Variants in PLD1 observed in about 807,000 individuals in gnomAD.
PLD1 encodes phospholipase D1, also known as choline phosphatase 1.
PLD1 carries 112 observed loss-of-function variants against 137.1 expected under a neutral mutation model. The ratio of observed to expected loss-of-function variants is 0.82; its 90% CI spans 0.70 to 0.96. PLD1 has a LOEUF of 0.96. Ranked by LOEUF, PLD1 falls within the 40% of genes least tolerant of loss-of-function variation. The probability of loss-of-function intolerance (pLI) is 0.00; values close to 1 mark genes in which losing one functional copy is unlikely to be tolerated. For synonymous variants in PLD1, 431 were observed against 454.7 expected (o/e 0.95, Z 0.66); for missense variants, 1,321 against 1,342.0 (o/e 0.98, Z 0.24).
rs1429558486 is a variant in PLD1 at position 171,693,805 on chromosome 3, A to G, written c.1228-1363T>C. 5.3e-5 allele frequency among the ~76,000 whole-genome samples: 8 copies of G among 152,298 alleles called. No homozygotes were observed. In the East Asian group the frequency reaches 1.4e-3, roughly 26 times the overall value. ...CCATAATAAAAAATAATTTTGTTAC[A>G]GTTTATATTAAGATTCCATGGTGAT... On this transcript the variant is annotated intron_variant, in intron 12 of 26. Coordinates refer to ENST00000351298, the MANE Select transcript of PLD1 (RefSeq NM_002662.5).
At chr3:171,725,787 A>G (rs2108241911) in intron 7 of PLD1, among the ~76,000 whole-genome samples, 1 of 152,348 alleles carries the variant, frequency 6.6e-6, no homozygotes, top group South Asian at 2.1e-4. Flanking sequence ...TGGGTTAGAA[A>G]GAATCTGTGC....
intron 21 of PLD1, among the ~76,000 whole-genome samples, chr3:171,652,867 G>A (rs566946980): frequency 1.5e-3 from 212 of 143,172 alleles, no homozygotes; most frequent in African/African-American, 5.3e-3. Context: ...TTCCTGCCTC[G>A]GCCTCCCAAA....
chr3:171,632,617 A>T (rs1734766668), intron 23 of PLD1, among the ~76,000 whole-genome samples: 1 of 152,104 alleles, frequency 6.6e-6, no homozygotes, highest in African/African-American at 2.4e-5. Flanking sequence ...ACATCTATAT[A>T]TGAATGTATC....
chr3:171,783,167 T>C (rs377137811), intron 1 of PLD1, among the ~76,000 whole-genome samples: 1 of 150,826 alleles, frequency 6.6e-6, no homozygotes, highest in African/African-American at 2.4e-5. Context: ...CCTGGGAGAG[T>C]GAGTTTACTA....
At chr3:171,674,690 A>C in intron 18 of PLD1, 77 bp from the exon 19 acceptor site, 1 of 843,570 alleles carries the variant, frequency 1.2e-6, no homozygotes, top group Non-Finnish European at 1.9e-6. Flanking sequence ...TATAAAAGAA[A>C]TTCATGCCCA....
At chr3:171,809,533 A>T (rs1386253729) in intron 1 of PLD1, 1 of 152,226 alleles carries the variant, frequency 6.6e-6, no homozygotes, top group Non-Finnish European at 1.5e-5. Context: ...CCCATTTTGG[A>T]GGCAGACTTA....
intron 21 of PLD1, among the ~76,000 whole-genome samples, chr3:171,651,840 CCTT>C (rs1234883278): frequency 1.3e-5 from 2 of 152,144 alleles, no homozygotes; most frequent in East Asian, 1.9e-4. Context: ...TTTTAAGTCT[CCTT>C]CTTCCTTCCT....
intron 11 of PLD1, among the ~76,000 whole-genome samples, chr3:171,707,004 A>G (rs1210426206): frequency 6.6e-6 from 1 of 152,250 alleles, no homozygotes; most frequent in Non-Finnish European, 1.5e-5. Flanking sequence ...GAATGAGATC[A>G]TGTCCTTTGC....
chr3:171,746,272 G>A (rs377440059), intron 1 of PLD1, among the ~76,000 whole-genome samples: 15 of 152,338 alleles, frequency 9.8e-5, no homozygotes, highest in Non-Finnish European at 1.5e-4. Flanking sequence ...GGCTCGCAGC[G>A]CGGGACTGGC....
chr3:171,798,702 A>C (rs1723523979), intron 1 of PLD1, among the ~76,000 whole-genome samples: 1 of 152,206 alleles, frequency 6.6e-6, no homozygotes, highest in Non-Finnish European at 1.5e-5. Flanking sequence ...GTTCCAAATT[A>C]ATATTGTTAT....
chr3:171,722,733 A>G (rs6807121), intron 8 of PLD1, among the ~76,000 whole-genome samples: 54,798 of 151,916 alleles, frequency 0.36, 10,986 homozygotes, highest in African/African-American at 0.52. Flanking sequence ...AAAGTTCACA[A>G]TGCGATGGTT....
At chr3:171,705,311 A>G (rs896557978) in intron 11 of PLD1, among the ~76,000 whole-genome samples, 1 of 152,220 alleles carries the variant, frequency 6.6e-6, no homozygotes, top group Non-Finnish European at 1.5e-5. Flanking sequence ...AAGCTCAGAG[A>G]ACCCCAAACA....
intron 19 of PLD1, among the ~76,000 whole-genome samples, chr3:171,667,036 C>G (rs1209036293): frequency 6.6e-6 from 1 of 152,186 alleles, no homozygotes; most frequent in Non-Finnish European, 1.5e-5. Flanking sequence ...GTATTTGTCC[C>G]AAATTCCCTT....
At chr3:171,614,680 C>A (rs142905100) in intron 24 of PLD1, among the ~76,000 whole-genome samples, 213 of 152,348 alleles carry the variant, frequency 1.4e-3, no homozygotes, top group African/African-American at 5.0e-3. Context: ...GATTGAAGAT[C>A]CCATATTGCT....
At chr3:171,732,472 C>T (rs1353731377) in intron 6 of PLD1, among the ~76,000 whole-genome samples, 1 of 152,126 alleles carries the variant, frequency 6.6e-6, no homozygotes, top group African/African-American at 2.4e-5. Flanking sequence ...ATATTTGGAC[C>T]AGACTCCAAA....
intron 8 of PLD1, among the ~76,000 whole-genome samples, chr3:171,715,765 TTC>T (rs1717635592): frequency 6.6e-6 from 1 of 152,204 alleles, no homozygotes; most frequent in South Asian, 2.1e-4. Flanking sequence ...ATATATTTTT[TTC>T]TTTTAACTTT....
At chr3:171,701,573 A>G (rs908126814) in intron 11 of PLD1, among the ~76,000 whole-genome samples, 11 of 152,236 alleles carry the variant, frequency 7.2e-5, no homozygotes, top group Admixed American at 7.2e-4. Flanking sequence ...TAAGCATTCT[A>G]CAAGATACTT....
chr3:171,642,715 G>C, intron 23 of PLD1, 125 bp downstream of exon 23: 1 of 620,832 alleles, frequency 1.6e-6, no homozygotes, highest in Non-Finnish European at 2.8e-6. Flanking sequence ...TATTACAGGT[G>C]AACATTTTGT....
At chr3:171,759,273 G>A (rs1469717853) in intron 1 of PLD1, among the ~76,000 whole-genome samples, 1 of 152,130 alleles carries the variant, frequency 6.6e-6, no homozygotes, top group Non-Finnish European at 1.5e-5. Flanking sequence ...CCTCTCACAA[G>A]AGAGTTCATT....
Sources: gnomAD v4.1 joint callset for allele counts (sites outside exome capture counted in the v4.1 genomes callset) on GRCh38, gnomAD v4.1.1 for gene constraint, MANE v1.5 for transcripts, NCBI Gene and HGNC (gene_info 2026-07-23, HGNC 2026-07-21) for gene names.